Variants in CABP4 observed in about 807,000 individuals in gnomAD.
The protein encoded by CABP4 is calcium binding protein 4.
CABP4 carries 30 observed loss-of-function variants against 30.7 expected under a neutral mutation model. The observed-to-expected ratio is 0.98, with a 90% CI of 0.73 to 1.33. The LOEUF is 1.33. Among genes scored for constraint, CABP4 ranks in the 40% most tolerant of loss-of-function variants. The probability of loss-of-function intolerance (pLI) is 0.00; values close to 1 mark genes in which losing one functional copy is unlikely to be tolerated. For synonymous variants in CABP4, 161 were observed against 159.2 expected (o/e 1.01, Z -0.08); for missense variants, 424 against 395.5 (o/e 1.07, Z -0.61).
In CABP4 at chr11:67,456,355, C is replaced by T. The variant is rs756392923; in HGVS notation, c.454C>T (p.Arg152Trp). 17 of 1,613,636 alleles carry T rather than the reference C, an allele frequency of 1.1e-5. No homozygotes were observed. The highest frequency in any genetic ancestry group is 1.6e-4 in the Middle Eastern group (1 of 6,084). The change falls in exon 3 of 6, where the codon CGG becomes TGG. Residue 152 changes from arginine to tryptophan, a missense_variant. Transcript: ENST00000325656. The part of the protein sequence containing the change: ...DTDRDGYISH[R>W]ELGDCMRTLG... ...TGACCGTGACGGCTACATCAGCCAC[C>T]GGGAGCTGGGTGACTGCATGCGGAC...
In CABP4 at chr11:67,458,495, G is replaced by C; in HGVS notation, c.776G>C (p.Gly259Ala). ...DEMLREVDLN[G>A]DGTVDFDEFV... ...ATGCTCCGAGAAGTGGACCTCAATGGGGATGGCACCGTAGACTTTGACGGT... is the reference window on the plus strand; with the variant it reads ...ATGCTCCGAGAAGTGGACCTCAATGCGGATGGCACCGTAGACTTTGACGGT... The change falls in exon 5 of 6, where the codon GGG (glycine) becomes GCG (alanine). Residue 259 changes from glycine (G) to alanine (A), a missense_variant. Transcript: ENST00000325656. 1 of 1,614,034 alleles carries C rather than the reference G, an allele frequency of 6.2e-7. No individual in the cohort carries two copies. Among genetic ancestry groups the C allele is most frequent in the South Asian group, 1.1e-5 (1 of 91,080 alleles).
chr11:67,456,046 C>T, intron 1 of CABP4, 142 bp from the exon 2 acceptor site: 1 of 1,497,266 alleles, frequency 6.7e-7, no homozygotes, highest in African/African-American at 1.4e-5. Context: ...CTTGCTCCTC[C>T]TGGGTCCCAC....
At chr11:67,455,314 G>A (rs983034405), upstream of CABP4, 31 of 1,431,284 alleles carry the variant, frequency 2.2e-5, no homozygotes, top group Admixed American at 5.1e-5. Context: ...CTCAGAGCCC[G>A]ATCCTAGGCT....
Position 67,460,304 on chromosome 11 carries a change from A to G in CABP4, c.*1645A>G, listed in dbSNP as rs1459528696. 1 of 152,162 alleles carries G rather than the reference A, an allele frequency of 6.6e-6. No individual in the cohort carries two copies. The highest frequency in any genetic ancestry group is 1.5e-5 in the Non-Finnish European group (1 of 68,056). The allele number at this position is 152,162 out of a possible 1,614,324, so 9.4% of individuals were successfully genotyped here. On this transcript the variant is annotated 3_prime_UTR_variant, in exon 6 of 6. Coordinates refer to ENST00000325656, the MANE Select transcript of CABP4 (RefSeq NM_145200.5). ...GTGAAACCCTGTCTCTACTAAAAAT[A>G]CAAAAATTAGCCAGGCGTGGTGGTG...
upstream of CABP4, among the ~76,000 whole-genome samples, chr11:67,454,304 G>T (rs1022861152): frequency 6.6e-6 from 1 of 152,166 alleles, no homozygotes; most frequent in Admixed American, 6.5e-5. Context: ...GGGAGGGAAC[G>T]GATGCCCTGA....
chr11:67,457,288 C>A (rs2135181603), intron 3 of CABP4, among the ~76,000 whole-genome samples: 1 of 152,278 alleles, frequency 6.6e-6, no homozygotes, highest in South Asian at 2.1e-4. Context: ...TCAGCCAATG[C>A]CACGCACATC....
At position 67,459,055 on chromosome 11, in the gene CABP4, A is replaced by C; in HGVS notation, c.*396A>C. On this transcript the variant is annotated 3_prime_UTR_variant, in exon 6 of 6. Transcript: ENST00000325656. Reference sequence around the variant, plus strand: ...ATGTTTATAATTTTTTTTTTTTTTAATGAACTTGAGCCGGGTGCAGTGGCT... The same window carrying C: ...ATGTTTATAATTTTTTTTTTTTTTACTGAACTTGAGCCGGGTGCAGTGGCT... 1 of 260,238 alleles carries C rather than the reference A, an allele frequency of 3.8e-6. No individual in the cohort carries two copies. The highest frequency in any genetic ancestry group is 7.5e-6 in the Non-Finnish European group (1 of 132,772). The allele number at this position is 260,238 out of a possible 1,614,324, so 16.1% of individuals were successfully genotyped here. A position where few individuals can be genotyped will look rare whatever the true frequency, so the allele number is the denominator to read the frequency against.
chr11:67,457,754 C>G (rs1022954230), intron 4 of CABP4, 72 bp downstream of exon 4: 4 of 1,315,248 alleles, frequency 3.0e-6, no homozygotes, highest in Non-Finnish European at 3.2e-6. Flanking sequence ...TCACTCAGGT[C>G]TCAGCCTTGG....
rs1864970279 is a variant in CABP4, at chr11:67,460,322, T to C, written c.*1663T>C. The C allele has an allele frequency of 6.6e-6, 1 of 151,998 alleles. No homozygotes were observed. The highest frequency in any genetic ancestry group is 6.6e-5 in the Admixed American group (1 of 15,242). The allele number at this position is 151,998 out of a possible 1,614,324, so 9.4% of individuals were successfully genotyped here. A position where few individuals can be genotyped will look rare whatever the true frequency, so the allele number is the denominator to read the frequency against. On this transcript the variant is annotated 3_prime_UTR_variant, in exon 6 of 6. Transcript: ENST00000325656. ...TAAAAATACAAAAATTAGCCAGGCG[T>C]GGTGGTGCTTGCATCTGTGGTCCCA...
chr11:67,458,594 C>G (rs149455081), intron 5 of CABP4, 37 bp from the exon 6 acceptor site: 2 of 1,614,116 alleles, frequency 1.2e-6, no homozygotes, highest in African/African-American at 1.3e-5. Context: ...GGATCCCTGA[C>G]GTGGACTGAC....
rs1565160136 is a variant in CABP4 at position 67,455,535 on chromosome 11, A to C, written c.112A>C (p.Thr38Pro). 6.2e-7 allele frequency: 1 copy of C among 1,603,294 alleles called. No homozygotes were observed. Among genetic ancestry groups the C allele is most frequent in the Admixed American group, 1.7e-5 (1 of 57,740 alleles). ...PKSDAEEPPL[T>P]RKRSKKERGL... is the part of the protein sequence containing the mutation. ...GAGTGATGCAGAGGAGCCCCCGTTG[A>C]CCAGGAAGAGGAGCAAGAAGGAGAG... The change falls in exon 1 of 6, where the codon ACC becomes CCC. Residue 38 changes from threonine to proline, a missense_variant. Transcript: ENST00000325656.
Position 67,455,428 on chromosome 11 carries a change from C to T in CABP4, c.5C>T (p.Thr2Ile), listed in dbSNP as rs1294956685. Reference protein sequence around the residue: MTTEQARGQQGP... With the variant: MITEQARGQQGP... The stretch of plus-strand genomic sequence containing the variant: ...GAGCCCTGTTATCCCTCCCCCATGA[C>T]CACAGAGCAGGCAAGGGGGCAGCAG... The change falls in exon 1 of 6, where the codon ACC (threonine) becomes ATC (isoleucine). Residue 2 changes from threonine to isoleucine, a missense_variant. Coordinates refer to ENST00000325656, the MANE Select transcript of CABP4 (RefSeq NM_145200.5). 2.5e-6 allele frequency: 4 copies of T among 1,609,166 alleles called. No individual in the cohort carries two copies. The highest frequency in any genetic ancestry group is 3.4e-5 in the Admixed American group (2 of 59,540).
upstream of CABP4, chr11:67,455,272 C>A: frequency 1.9e-6 from 2 of 1,077,058 alleles, no homozygotes; most frequent in Non-Finnish European, 1.3e-6. Flanking sequence ...GGATTAGGGC[C>A]AGGGCTGCCT....
Position 67,455,390 on chromosome 11 carries a change from G to A in CABP4, c.-34G>A, listed in dbSNP as rs772765944. 4.4e-6 allele frequency: 7 copies of A among 1,587,492 alleles called. No homozygotes were observed. The highest frequency in any genetic ancestry group is 1.8e-5 in the Admixed American group (1 of 56,488). ...TCCTGAAAGCCAAGGGTGCCCAGGG[G>A]TGTGGTGTCTCTGAGCCCTGTTATC... On this transcript the variant is annotated 5_prime_UTR_variant, in exon 1 of 6. It adds an upstream start codon to the 5' untranslated region. Coordinates refer to ENST00000325656, the MANE Select transcript of CABP4 (RefSeq NM_145200.5).
In CABP4 at chr11:67,455,619, G is replaced by A. The variant is rs1371354383; in HGVS notation, c.196G>A (p.Ala66Thr). 1.9e-6 allele frequency: 3 copies of A among 1,608,072 alleles called. No homozygotes were observed. Among genetic ancestry groups the A allele is most frequent in the Non-Finnish European group, 2.5e-6 (3 of 1,178,428 alleles). ...GSSGEQTGPE[A>T]PGSSNNPPST... is the part of the protein sequence containing the mutation. The stretch of plus-strand genomic sequence containing the variant: ...CTCTGGGGAGCAGACAGGCCCCGAG[G>A]CCCCGGGGAGCAGCAATAACCCTCC... The change falls in exon 1 of 6, where the codon GCC (alanine) becomes ACC (threonine). Residue 66 changes from alanine (A) to threonine (T), a missense_variant. Ala to Thr is a moderately conservative substitution (Grantham distance 58). Transcript: ENST00000325656.
intron 1 of CABP4, 29 bp downstream of exon 1, chr11:67,455,818 G>T (rs1201193056): frequency 6.6e-5 from 103 of 1,551,954 alleles, no homozygotes; most frequent in Non-Finnish European, 8.8e-5. Context: ...TGGGCTGGGG[G>T]TCCTGGGGGT....
chr11:67,458,812 CTTG>C lies in CABP4; in HGVS notation c.*156_*158del. Reference sequence around the variant, plus strand: ...TGAAAACACCTGGCCTCAATGTTGGCTTGTTATGTTACCTGCCCACCCTCATCC... The same window carrying C: ...TGAAAACACCTGGCCTCAATGTTGGCTTATGTTACCTGCCCACCCTCATCC... On this transcript the variant is annotated 3_prime_UTR_variant, in exon 6 of 6. Coordinates refer to ENST00000325656, the MANE Select transcript of CABP4 (RefSeq NM_145200.5). 1.1e-6 allele frequency: 1 copy of C among 903,904 alleles called. No homozygotes were observed. Among genetic ancestry groups the C allele is most frequent in the Non-Finnish European group, 1.8e-6 (1 of 571,178 alleles). 56.0% of individuals were successfully genotyped at this position (903,904 alleles called of 1,614,324 possible). A position where few individuals can be genotyped will look rare whatever the true frequency, so the allele number is the denominator to read the frequency against.
rs1443247021 is a variant in CABP4 at position 67,455,684 on chromosome 11, C to T, written c.261C>T (p.Ser87=). The part of the protein sequence containing the change: ...GEGPAGAPPA[S]PGPASSRQSH... ...GGCCGGCGGGCGCACCCCCTGCATCCCCTGGGCCGGCCTCTTCTCGCCAGT... is the reference window on the plus strand; with the variant it reads ...GGCCGGCGGGCGCACCCCCTGCATCTCCTGGGCCGGCCTCTTCTCGCCAGT... The change falls in exon 1 of 6, where the codon TCC becomes TCT. Residue 87 remains serine (S), a synonymous_variant. Coordinates refer to ENST00000325656, the MANE Select transcript of CABP4 (RefSeq NM_145200.5). 1.2e-6 allele frequency: 2 copies of T among 1,607,978 alleles called. No homozygotes were observed. Among genetic ancestry groups the T allele is most frequent in the Non-Finnish European group, 1.7e-6 (2 of 1,178,508 alleles).
rs1237918758 is a variant in CABP4 at position 67,455,515 on chromosome 11, A to C, written c.92A>C (p.Asp31Ala). Residue 31 changes from aspartate to alanine, a missense_variant, in exon 1 of 6, where the codon GAT becomes GCT. Coordinates refer to ENST00000325656, the MANE Select transcript of CABP4 (RefSeq NM_145200.5). Reference protein sequence around the residue: ...PPAGVVTPKSDAEEPPLTRKR... With the variant: ...PPAGVVTPKSAAEEPPLTRKR... ...GCGGGGGTTGTGACTCCCAAGAGTG[A>C]TGCAGAGGAGCCCCCGTTGACCAGG... 1.2e-6 allele frequency: 2 copies of C among 1,605,174 alleles called. No individual in the cohort carries two copies. The highest frequency in any genetic ancestry group is 1.7e-5 in the Admixed American group (1 of 58,252).
Sources: allele counts gnomAD v4.1 joint callset (sites outside exome capture counted in the v4.1 genomes callset), GRCh38; gene constraint gnomAD v4.1.1; transcripts MANE v1.5; gene names NCBI Gene and HGNC (gene_info 2026-07-23, HGNC 2026-07-21).